NLGN1: variants seen among roughly 807,000 people sequenced by gnomAD.
NLGN1 encodes the protein neuroligin 1.
A neutral mutation model predicts 65.5 loss-of-function variants in NLGN1; 12 were observed. The observed-to-expected ratio is 0.18, with a 90% CI of 0.12 to 0.30. The LOEUF (loss-of-function observed/expected upper bound fraction) is 0.30. NLGN1 is among the 10% of genes least tolerant of loss of function. The pLI is 1.00. For synonymous variants in NLGN1, 350 were observed against 359.5 expected (o/e 0.97, Z 0.30); for missense variants, 750 against 1,007.1 (o/e 0.74, Z 3.46).
intron 4 of NLGN1, among the ~76,000 whole-genome samples, chr3:173,889,988 GGTGTGTGTGT>G (rs140428383): frequency 1.4e-5 from 2 of 147,648 alleles, no homozygotes; most frequent in African/African-American, 5.0e-5. Context: ...TATGTATGAG[GGTGTGTGTGT>G]GTGTGTGTGT....
intron 2 of NLGN1, among the ~76,000 whole-genome samples, chr3:173,585,555 A>G (rs949055022): frequency 6.6e-6 from 1 of 151,362 alleles, no homozygotes; most frequent in African/African-American, 2.4e-5. Flanking sequence ...GGGTCACTGC[A>G]CCGGATAGAG....
chr3:173,974,920 T>TAAG (rs1717081528), intron 4 of NLGN1, among the ~76,000 whole-genome samples: 1 of 152,096 alleles, frequency 6.6e-6, no homozygotes, highest in African/African-American at 2.4e-5. Context: ...AAGTCTTACT[T>TAAG]TGATTCAAGA....
At chr3:174,143,632 T>G (rs1730499841) in intron 4 of NLGN1, among the ~76,000 whole-genome samples, 1 of 152,052 alleles carries the variant, frequency 6.6e-6, no homozygotes, top group South Asian at 2.1e-4. Context: ...GGAGATTTGG[T>G]GGGGGGGTAT....
chr3:173,892,068 A>G (rs1377704487), intron 4 of NLGN1, among the ~76,000 whole-genome samples: 1 of 152,170 alleles, frequency 6.6e-6, no homozygotes, highest in Admixed American at 6.5e-5. Flanking sequence ...GGTTTTGTGT[A>G]TCATGGAATC....
At chr3:173,511,146 C>T (rs55722439) in intron 2 of NLGN1, among the ~76,000 whole-genome samples, 1,974 of 152,166 alleles carry the variant, frequency 0.013, 39 homozygotes, top group African/African-American at 0.045. Flanking sequence ...GAGAAAAAGC[C>T]CAGCTATTCC....
chr3:173,649,012 T>C (rs1371229153), intron 3 of NLGN1, among the ~76,000 whole-genome samples: 1 of 152,116 alleles, frequency 6.6e-6, no homozygotes. Flanking sequence ...AACCTAAATA[T>C]TCATCAGCAG....
chr3:173,978,249 G>T (rs1207841727), intron 4 of NLGN1, among the ~76,000 whole-genome samples: 2 of 151,976 alleles, frequency 1.3e-5, no homozygotes, highest in Non-Finnish European at 2.9e-5. Flanking sequence ...GCCTCCTTTG[G>T]CATTGGCTCT....
chr3:173,869,438 C>T (rs1730768893), intron 4 of NLGN1, among the ~76,000 whole-genome samples: 1 of 152,034 alleles, frequency 6.6e-6, no homozygotes, highest in African/African-American at 2.4e-5. Flanking sequence ...AAACTAATGG[C>T]CAATGGCAAA....
At chr3:173,564,003 C>T (rs1743212986) in intron 2 of NLGN1, among the ~76,000 whole-genome samples, 1 of 152,210 alleles carries the variant, frequency 6.6e-6, no homozygotes, top group African/African-American at 2.4e-5. Flanking sequence ...CCTACAAAGG[C>T]AAACAAGGCC....
In NLGN1 at chr3:173,731,053, T is replaced by G. The variant is rs141912512; in HGVS notation, c.494-76627T>G. Among the ~76,000 whole-genome samples the G allele has an allele frequency of 3.1e-3, 468 of 152,194 alleles. 3 individuals are homozygous for G. The highest frequency in any genetic ancestry group is 6.8e-3 in the Middle Eastern group (2 of 294). On this transcript the variant is annotated intron_variant, in intron 3 of 6. Coordinates refer to ENST00000457714, the Ensembl canonical transcript of NLGN1. ...CTTGGAGCGGCTCTGCAGAATAATT[T>G]TACCGTATAATCTGTGACTGTTTTC...
At chr3:173,748,121 G>A (rs143131000) in intron 3 of NLGN1, among the ~76,000 whole-genome samples, 141 of 151,940 alleles carry the variant, frequency 9.3e-4, no homozygotes, top group African/African-American at 3.1e-3. Flanking sequence ...ATTTAGGAGC[G>A]TAAAATCTAG....
intron 1 of NLGN1, among the ~76,000 whole-genome samples, chr3:173,407,290 A>G (rs1266275251): frequency 1.3e-5 from 2 of 152,228 alleles, no homozygotes; most frequent in Non-Finnish European, 2.9e-5. Context: ...TGGTCTTTCC[A>G]GCTGAAAAGC....
At chr3:173,511,209 G>A (rs1392058253) in intron 2 of NLGN1, among the ~76,000 whole-genome samples, 1 of 152,128 alleles carries the variant, frequency 6.6e-6, no homozygotes, top group African/African-American at 2.4e-5. Context: ...CAAACGACAA[G>A]TTGTTTTTGT....
chr3:173,796,006 T>G (rs1486757213), intron 3 of NLGN1, among the ~76,000 whole-genome samples: 1 of 152,112 alleles, frequency 6.6e-6, no homozygotes, highest in Non-Finnish European at 1.5e-5. Flanking sequence ...TAAATAATCC[T>G]AAAAAATTCA....
At chr3:173,941,228 C>T (rs1272062172) in intron 4 of NLGN1, among the ~76,000 whole-genome samples, 3 of 151,870 alleles carry the variant, frequency 2.0e-5, no homozygotes, top group Non-Finnish European at 4.4e-5. Flanking sequence ...TCCAGAACAC[C>T]ACCTGAAATT....
At chr3:174,045,934 A>G (rs1733481939) in intron 4 of NLGN1, among the ~76,000 whole-genome samples, 1 of 152,192 alleles carries the variant, frequency 6.6e-6, no homozygotes, top group African/African-American at 2.4e-5. Context: ...ATCTGAGATC[A>G]GATTTTCTTA....
chr3:173,946,594 T>A (rs974973105), intron 4 of NLGN1, among the ~76,000 whole-genome samples: 1 of 152,202 alleles, frequency 6.6e-6, no homozygotes, highest in African/African-American at 2.4e-5. Flanking sequence ...TTAGTATAGA[T>A]ACCTAGCCAT....
chr3:173,646,435 T>A (rs2149613520), intron 3 of NLGN1, among the ~76,000 whole-genome samples: 1 of 152,354 alleles, frequency 6.6e-6, no homozygotes, highest in Non-Finnish European at 1.5e-5. Context: ...TGTGTGTGTG[T>A]CACACACTGT....
chr3:173,597,944 T>G (rs1007406872), intron 2 of NLGN1, among the ~76,000 whole-genome samples: 2 of 152,086 alleles, frequency 1.3e-5, no homozygotes, highest in African/African-American at 4.8e-5. Flanking sequence ...TTTTTCTGAT[T>G]TGTTATTATA....
Sources: allele counts gnomAD v4.1 joint callset (sites outside exome capture counted in the v4.1 genomes callset), GRCh38; gene constraint gnomAD v4.1.1; transcripts MANE v1.5; gene names NCBI Gene and HGNC (gene_info 2026-07-23, HGNC 2026-07-21).